Variants in SLC44A5 observed in about 807,000 individuals in gnomAD.
The protein encoded by SLC44A5 is solute carrier family 44 member 5, also known as choline transporter-like protein 5.
In SLC44A5, 57 loss-of-function variants were observed where a neutral mutation model predicts 101.8. The ratio of observed to expected loss-of-function variants is 0.56; its 90% CI spans 0.45 to 0.70. The LOEUF (loss-of-function observed/expected upper bound fraction) is 0.70. SLC44A5 is among the 30% of genes least tolerant of loss of function. SLC44A5 has a pLI of 0.00. For missense variants in SLC44A5, 737 were observed against 853.1 expected (o/e 0.86, Z 1.70); for synonymous variants, 281 against 290.9 (o/e 0.97, Z 0.35).
chr1:75,233,409 TCATTATTTAGCTCCCACA>T (rs6143281), intron 12 of SLC44A5, among the ~76,000 whole-genome samples: 46,204 of 151,102 alleles, frequency 0.31, 7,576 homozygotes, highest in African/African-American at 0.41. Context: ...CCACGTGTAC[TCATTATTTAGCTCCCACA>T]CATTATTTAG....
At chr1:75,385,138 A>T (rs1354544342) in intron 3 of SLC44A5, among the ~76,000 whole-genome samples, 1 of 151,452 alleles carries the variant, frequency 6.6e-6, no homozygotes, top group East Asian at 2.0e-4. Context: ...TAACATCACA[A>T]TTAAAAGAAC....
intron 2 of SLC44A5, among the ~76,000 whole-genome samples, chr1:75,484,564 A>G (rs573292283): frequency 1.3e-5 from 2 of 152,246 alleles, no homozygotes; most frequent in East Asian, 3.9e-4. Context: ...TGGCTTTTCC[A>G]GGTGCACAGT....
chr1:75,683,975 CAT>C, the SLC44A5 span, among the ~76,000 whole-genome samples: 1 of 152,066 alleles, frequency 6.6e-6, no homozygotes, highest in African/African-American at 2.4e-5. Context: ...CTAATAAAGA[CAT>C]ATGTGAGACT....
chr1:75,215,987 T>G (rs1646954173), intron 18 of SLC44A5, 130 bp from the exon 19 acceptor site: 1 of 584,874 alleles, frequency 1.7e-6, no homozygotes, highest in Admixed American at 3.4e-5. Context: ...TAATATAAAA[T>G]TTGCCATTTT....
intron 6 of SLC44A5, among the ~76,000 whole-genome samples, chr1:75,264,980 T>C (rs945742589): frequency 1.3e-5 from 2 of 152,138 alleles, no homozygotes; most frequent in Admixed American, 6.6e-5. Context: ...TCAGAGACTG[T>C]TATGAAAAAC....
chr1:75,645,625 A>C, the SLC44A5 span, among the ~76,000 whole-genome samples: 1 of 151,378 alleles, frequency 6.6e-6, no homozygotes, highest in Non-Finnish European at 1.5e-5. Context: ...GAAGCTCTTT[A>C]GTTTAATTGG....
chr1:75,238,385 C>CATATATAT (rs71081318), intron 10 of SLC44A5, 128 bp downstream of exon 10: 9,559 of 213,982 alleles, frequency 0.045, 359 homozygotes, highest in Admixed American at 0.077. Context: ...ACGTATATTT[C>CATATATAT]ATATATATAT....
At chr1:75,679,944 G>A in the SLC44A5 span, among the ~76,000 whole-genome samples, 5 of 151,974 alleles carry the variant, frequency 3.3e-5, no homozygotes, top group African/African-American at 9.6e-5. Flanking sequence ...GAAAACAAAA[G>A]AAGGCAGGGG....
At chr1:75,431,568 A>G (rs1038031021) in intron 2 of SLC44A5, among the ~76,000 whole-genome samples, 1 of 152,324 alleles carries the variant, frequency 6.6e-6, no homozygotes, top group South Asian at 2.1e-4. Flanking sequence ...TTCTTTGCAG[A>G]GAGCCTGTGG....
At chr1:75,557,618 AC>A (rs1380557254) in intron 1 of SLC44A5, among the ~76,000 whole-genome samples, 2 of 152,056 alleles carry the variant, frequency 1.3e-5, no homozygotes, top group Non-Finnish European at 2.9e-5. Context: ...AAAACAGAAA[AC>A]AAAAATTATA....
chr1:75,688,959 C>G, the SLC44A5 span, among the ~76,000 whole-genome samples: 7 of 152,280 alleles, frequency 4.6e-5, no homozygotes, highest in Admixed American at 3.9e-4. Context: ...AACCCTTATA[C>G]CATACCTATC....
intron 5 of SLC44A5, among the ~76,000 whole-genome samples, chr1:75,299,651 C>T (rs1557637183): frequency 6.6e-6 from 1 of 152,030 alleles, no homozygotes; most frequent in Non-Finnish European, 1.5e-5. Flanking sequence ...TTGATCCATT[C>T]ATATACAATT....
Position 75,226,334 on chromosome 1 carries a change from C to T in SLC44A5, c.985+1392G>A, listed in dbSNP as rs537892392. Among the ~76,000 whole-genome samples, 7 of 152,018 alleles carry T rather than the reference C, an allele frequency of 4.6e-5. No individual in the cohort carries two copies. The East Asian group carries it at 1.4e-3, about 29-fold the overall frequency. On this transcript the variant is annotated intron_variant, in intron 13 of 23. Coordinates refer to ENST00000370859, the MANE Select transcript of SLC44A5 (RefSeq NM_001130058.2). Reference sequence around the variant, plus strand: ...TGCTCAGCTAGGTCATCAAGGTTGGCATCATCTGAGGAAAGCATCTCCCAC... The same window carrying T: ...TGCTCAGCTAGGTCATCAAGGTTGGTATCATCTGAGGAAAGCATCTCCCAC...
At chr1:75,317,159 A>G (rs1655755669) in intron 4 of SLC44A5, among the ~76,000 whole-genome samples, 2 of 152,216 alleles carry the variant, frequency 1.3e-5, no homozygotes, top group Non-Finnish European at 2.9e-5. Flanking sequence ...CAATCTTTCA[A>G]TCATCTCTGA....
intron 1 of SLC44A5, chr1:75,582,118 C>T (rs1301568534): frequency 5.4e-6 from 4 of 736,992 alleles, no homozygotes; most frequent in Non-Finnish European, 9.9e-6. Flanking sequence ...AAGAACCACA[C>T]CACACACAAC....
At chr1:75,256,420 C>G (rs1650027001) in intron 6 of SLC44A5, among the ~76,000 whole-genome samples, 1 of 152,078 alleles carries the variant, frequency 6.6e-6, no homozygotes. Context: ...TATGTTGAAG[C>G]AAACTAAAAT....
chr1:75,270,916 T>C (rs780553253), intron 6 of SLC44A5, among the ~76,000 whole-genome samples: 102 of 152,302 alleles, frequency 6.7e-4, no homozygotes, highest in Middle Eastern at 3.4e-3. Context: ...GGAAAACTTC[T>C]TGTTACAAAT....
At chr1:75,535,089 T>A (rs201843452) in intron 2 of SLC44A5, among the ~76,000 whole-genome samples, 18 of 118,752 alleles carry the variant, frequency 1.5e-4, no homozygotes, top group Admixed American at 1.1e-3. Context: ...TTTTTTTTTT[T>A]AAAGAAAAAT....
the SLC44A5 span, chr1:75,710,562 TAAAAAAAAAAAAAA>T: frequency 1.9e-5 from 1 of 52,304 alleles, no homozygotes; most frequent in South Asian, 1.2e-3. Context: ...AGACCCTACC[TAAAAAAAAAAAAAA>T]AAAAAAAAAA....
Sources: allele counts gnomAD v4.1 joint callset (sites outside exome capture counted in the v4.1 genomes callset), GRCh38; gene constraint gnomAD v4.1.1; transcripts MANE v1.5; gene names NCBI Gene and HGNC (gene_info 2026-07-23, HGNC 2026-07-21).